Variants in CELF2 observed in about 807,000 individuals in gnomAD.
CELF2 encodes CUGBP Elav-like family member 2, also known as CUG triplet repeat RNA-binding protein 2.
A neutral mutation model predicts 62.6 loss-of-function variants in CELF2; 8 were observed. That is an observed-to-expected ratio of 0.13 (90% CI 0.07 to 0.23). The LOEUF (loss-of-function observed/expected upper bound fraction) is 0.23, where lower values mean the gene tolerates loss of function less well. CELF2 is among the 10% of genes least tolerant of loss of function. The pLI is 1.00. For missense variants in CELF2, 333 were observed against 671.0 expected, an observed-to-expected ratio of 0.50 and a Z score of 5.56; for synonymous variants, 258 against 250.0, an observed-to-expected ratio of 1.03 and a Z score of -0.30.
At chr10:10,665,356 G>A in the CELF2 span, among the ~76,000 whole-genome samples, 2 of 152,072 alleles carry the variant, frequency 1.3e-5, no homozygotes, top group African/African-American at 4.8e-5. Context: ...TATGCATAAA[G>A]TATATTATGG....
At position 11,220,278 on chromosome 10, in the gene CELF2, C is replaced by A. The variant is rs2064443931; in HGVS notation, c.354+2771C>A. On this transcript the variant is annotated intron_variant, in intron 3 of 12. Transcript: ENST00000633077. The surrounding 1 kb of genome is among the most constrained non-coding windows in gnomAD (Gnocchi z 4.4). ...TTCTTTTGCAGTTGATGTTTTGTTT[C>A]ATAAGGAACTTTTATTATGCGGCCA... is the stretch of plus-strand genomic sequence containing the variant. Among the ~76,000 whole-genome samples, 1 of 152,110 alleles carries A rather than the reference C, an allele frequency of 6.6e-6. No homozygotes were observed. The highest frequency in any genetic ancestry group is 1.5e-5 in the Non-Finnish European group (1 of 68,028).
Position 11,039,772 on chromosome 10 carries a change from T to G in CELF2, c.74+21609T>G, listed in dbSNP as rs1308943282. On this transcript the variant is annotated intron_variant, in intron 1 of 12. Coordinates refer to ENST00000633077, the MANE Select transcript of CELF2 (RefSeq NM_001326342.2). This position sits in a 1 kb window ranked among gnomAD's most constrained non-coding sequence, Gnocchi z 4.1. Reference sequence around the variant, plus strand: ...AGATAATTATATATCTATTACGTCTTACATTTTTGTAAATTCCATTGCCAC... The same window carrying G: ...AGATAATTATATATCTATTACGTCTGACATTTTTGTAAATTCCATTGCCAC... 6.6e-6 allele frequency among the ~76,000 whole-genome samples: 1 copy of G among 152,248 alleles called. No homozygotes were observed.
the CELF2 span, among the ~76,000 whole-genome samples, chr10:10,534,214 T>A: frequency 6.0e-5 from 8 of 134,322 alleles, no homozygotes; most frequent in Admixed American, 7.5e-5. Context: ...GAGGAGTTGT[T>A]AAAAAAAAAA....
the CELF2 span, among the ~76,000 whole-genome samples, chr10:10,540,957 T>G: frequency 0.97 from 147,155 of 152,190 alleles, 71,169 homozygotes; most frequent in South Asian, 0.98. Flanking sequence ...GGCCGAGGCG[T>G]GTGGATCACG....
chr10:10,729,932 A>G, the CELF2 span, among the ~76,000 whole-genome samples: 2 of 152,224 alleles, frequency 1.3e-5, no homozygotes, highest in African/African-American at 4.8e-5. Flanking sequence ...ATCTTGTTCT[A>G]TACATTAACA....
Position 11,328,949 on chromosome 10 carries a change from G to A in CELF2, c.1462G>A (p.Val488Ile). ...CFGFVSYDNP[V>I]SAQAAIQAMN... ...AGGTTTTGTTAGCTACGACAATCCAGTCTCTGCACAAGCTGCTATCCAAGC... is the reference window on the plus strand; with the variant it reads ...AGGTTTTGTTAGCTACGACAATCCAATCTCTGCACAAGCTGCTATCCAAGC... The change falls in exon 13 of 13, where the codon GTC (valine) becomes ATC (isoleucine). Residue 488 changes from valine to isoleucine, a missense_variant. By Grantham distance (29) the Val-to-Ile change is conservative (BLOSUM62 3). This residue lies in a region of CELF2 where 35 missense variants were observed against 128.1 expected (regional missense o/e 0.27). Transcript: ENST00000633077. This position sits in a 1 kb window ranked among gnomAD's most constrained non-coding sequence, Gnocchi z 6.4. 1 of 1,612,686 alleles carries A rather than the reference G, an allele frequency of 6.2e-7. No homozygotes were observed. Among genetic ancestry groups the A allele is most frequent in the East Asian group, 2.2e-5 (1 of 44,778 alleles).
chr10:11,293,936 C>T (rs562560596), intron 9 of CELF2, among the ~76,000 whole-genome samples: 17 of 152,276 alleles, frequency 1.1e-4, no homozygotes, highest in Admixed American at 3.3e-4. Flanking sequence ...GCAGGGTCAG[C>T]GTACCCACCC....
chr10:10,464,405 G>C, the CELF2 span, among the ~76,000 whole-genome samples: 1 of 131,894 alleles, frequency 7.6e-6, no homozygotes, highest in Non-Finnish European at 1.8e-5. Flanking sequence ...CTAAACGCAA[G>C]TCAAACCACA....
the CELF2 span, among the ~76,000 whole-genome samples, chr10:10,485,273 C>T: frequency 3.9e-5 from 6 of 152,146 alleles, no homozygotes; most frequent in Admixed American, 2.0e-4. Context: ...AATTAGAAGG[C>T]GTGATCGTCC....
the CELF2 span, among the ~76,000 whole-genome samples, chr10:10,636,870 A>C: frequency 6.6e-6 from 1 of 152,178 alleles, no homozygotes; most frequent in Non-Finnish European, 1.5e-5. Flanking sequence ...GTGATAATGA[A>C]ATTATTAGGA....
the CELF2 span, among the ~76,000 whole-genome samples, chr10:10,548,018 C>A: frequency 6.6e-6 from 1 of 152,128 alleles, no homozygotes; most frequent in Non-Finnish European, 1.5e-5. Context: ...TATTTGGTTA[C>A]CTTTTTATGA....
the CELF2 span, among the ~76,000 whole-genome samples, chr10:10,641,399 T>C: frequency 6.6e-6 from 1 of 152,226 alleles, no homozygotes; most frequent in African/African-American, 2.4e-5. Flanking sequence ...AGTATTGTTT[T>C]TCTTCCCCTT....
chr10:10,781,382 G>C, the CELF2 span, among the ~76,000 whole-genome samples: 1 of 152,196 alleles, frequency 6.6e-6, no homozygotes, highest in Non-Finnish European at 1.5e-5. Context: ...CAGAAGACTG[G>C]TTAATTTATA....
chr10:10,615,663 ACAAGAT>A, the CELF2 span, among the ~76,000 whole-genome samples: 1 of 151,994 alleles, frequency 6.6e-6, no homozygotes, highest in Non-Finnish European at 1.5e-5. Flanking sequence ...ATGAATTCTC[ACAAGAT>A]CTGGTTGTTT....
At chr10:10,540,828 T>C in the CELF2 span, among the ~76,000 whole-genome samples, 1 of 152,150 alleles carries the variant, frequency 6.6e-6, no homozygotes, top group Admixed American at 6.5e-5. Context: ...TCTACACTCA[T>C]ACATTCTCCA....
intron 1 of CELF2, among the ~76,000 whole-genome samples, chr10:10,855,186 G>A (rs942612203): frequency 2.0e-5 from 3 of 152,144 alleles, no homozygotes; most frequent in Admixed American, 6.5e-5. Context: ...CACACTGGGG[G>A]TCTGCAGGCC....
the CELF2 span, among the ~76,000 whole-genome samples, chr10:10,538,692 CTGGAATAACGT>C: frequency 6.6e-6 from 1 of 152,066 alleles, no homozygotes; most frequent in African/African-American, 2.4e-5. Flanking sequence ...GGTATTGAGA[CTGGAATAACGT>C]TGGAACCATT....
At chr10:10,866,632 A>G (rs1302591511) in intron 1 of CELF2, among the ~76,000 whole-genome samples, 1 of 142,410 alleles carries the variant, frequency 7.0e-6, no homozygotes, top group Non-Finnish European at 1.6e-5. Flanking sequence ...AAAAAAAAAA[A>G]TCCAACAATC....
the CELF2 span, among the ~76,000 whole-genome samples, chr10:10,509,117 T>A: frequency 1.3e-4 from 20 of 152,116 alleles, no homozygotes; most frequent in Admixed American, 2.0e-4. Context: ...GGATTGGAGG[T>A]TCTGTTTAAC....
Sources: allele counts gnomAD v4.1 joint callset (sites outside exome capture counted in the v4.1 genomes callset), GRCh38; gene constraint gnomAD v4.1.1; regional missense constraint gnomAD v4.1.1; non-coding constraint Gnocchi (gnomAD v3.1); transcripts MANE v1.5; gene names NCBI Gene and HGNC (gene_info 2026-07-23, HGNC 2026-07-21).